Variants in PPP2R2B observed in about 807,000 individuals in gnomAD.
PPP2R2B encodes serine/threonine-protein phosphatase 2A 55 kDa regulatory subunit B beta isoform.
A neutral mutation model predicts 46.0 loss-of-function variants in PPP2R2B; 5 were observed. The ratio of observed to expected loss-of-function variants is 0.11; its 90% confidence interval spans 0.06 to 0.23. The LOEUF is 0.23. Among genes scored for constraint, PPP2R2B ranks in the 10% least tolerant of loss-of-function variants. The pLI is 1.00. For missense variants in PPP2R2B, 367 were observed against 575.0 expected, an observed-to-expected ratio of 0.64 and a Z score of 3.70; for synonymous variants, 215 against 206.7, an observed-to-expected ratio of 1.04 and a Z score of -0.34.
chr5:146,645,780 A>C (rs1233882534), intron 6 of PPP2R2B, among the ~76,000 whole-genome samples: 3 of 151,798 alleles, frequency 2.0e-5, no homozygotes, highest in Non-Finnish European at 2.9e-5. Context: ...CCTCTATCTC[A>C]TATTCAGAGA....
intron 7 of PPP2R2B, among the ~76,000 whole-genome samples, chr5:146,627,851 T>G (rs1343530708): frequency 6.6e-6 from 1 of 152,228 alleles, no homozygotes; most frequent in African/African-American, 2.4e-5. Flanking sequence ...ATGAAATTTC[T>G]GATTTGCATT....
intron 5 of PPP2R2B, among the ~76,000 whole-genome samples, chr5:146,674,511 C>A (rs1450349243): frequency 6.6e-6 from 1 of 152,146 alleles, no homozygotes; most frequent in Admixed American, 6.5e-5. Context: ...CTCCTACATC[C>A]CTTTGTGTAC....
At chr5:146,998,945 C>T (rs1481790670) in intron 1 of PPP2R2B, among the ~76,000 whole-genome samples, 2 of 132,680 alleles carry the variant, frequency 1.5e-5, no homozygotes, top group African/African-American at 2.8e-5. Flanking sequence ...ACCCGGGAGG[C>T]GGAGCTTGCA....
chr5:146,768,361 C>T (rs1754622127), intron 2 of PPP2R2B, among the ~76,000 whole-genome samples: 1 of 152,138 alleles, frequency 6.6e-6, no homozygotes, highest in Admixed American at 6.6e-5. Flanking sequence ...CCATGCAAGT[C>T]CTAAGAACTG....
intron 2 of PPP2R2B, 61 bp downstream of exon 2, chr5:146,877,941 G>T (rs367801338): frequency 1.7e-5 from 26 of 1,561,920 alleles, no homozygotes; most frequent in Non-Finnish European, 2.3e-5. Flanking sequence ...TGCCCAGGAA[G>T]CACAGTGATC....
intron 2 of PPP2R2B, among the ~76,000 whole-genome samples, chr5:146,779,658 ATAGC>A (rs1755391982): frequency 6.6e-6 from 1 of 152,168 alleles, no homozygotes; most frequent in Non-Finnish European, 1.5e-5. Flanking sequence ...CAATGACCTT[ATAGC>A]TCATAAACAT....
At chr5:146,805,366 A>C (rs1230922820) in intron 2 of PPP2R2B, among the ~76,000 whole-genome samples, 1 of 152,192 alleles carries the variant, frequency 6.6e-6, no homozygotes, top group Non-Finnish European at 1.5e-5. Flanking sequence ...AAAGTCAATA[A>C]AACAGCTGGG....
At chr5:146,724,828 G>T (rs1311013196) in intron 2 of PPP2R2B, among the ~76,000 whole-genome samples, 1 of 152,066 alleles carries the variant, frequency 6.6e-6, no homozygotes, top group Non-Finnish European at 1.5e-5. Flanking sequence ...CTTAGTTCTA[G>T]CTTACATAAT....
chr5:146,811,065 G>A (rs1405188424), intron 2 of PPP2R2B, among the ~76,000 whole-genome samples: 4 of 152,102 alleles, frequency 2.6e-5, no homozygotes, highest in African/African-American at 9.7e-5. Context: ...GTGCAATGGT[G>A]CGATCTCAGC....
At chr5:146,706,966 C>A in intron 2 of PPP2R2B, 1 of 1,029,930 alleles carries the variant, frequency 9.7e-7, no homozygotes, top group South Asian at 1.3e-5. Flanking sequence ...TATCGTCAGC[C>A]CTTCCAGGCA....
chr5:146,760,174 T>C (rs956285333), intron 2 of PPP2R2B, among the ~76,000 whole-genome samples: 6 of 152,356 alleles, frequency 3.9e-5, no homozygotes, highest in Admixed American at 2.0e-4. Context: ...TAATTACTAT[T>C]TATTGAGTGC....
chr5:147,016,114 T>C (rs776492230), intron 1 of PPP2R2B, among the ~76,000 whole-genome samples: 1 of 151,542 alleles, frequency 6.6e-6, no homozygotes. Context: ...GGCAGGTACA[T>C]TGCTTGGTCC....
chr5:146,974,879 C>T (rs1046423815), intron 1 of PPP2R2B, among the ~76,000 whole-genome samples: 5 of 151,860 alleles, frequency 3.3e-5, no homozygotes, highest in Admixed American at 1.3e-4. Flanking sequence ...TTAATAGACA[C>T]GGGGTTTCAC....
rs189547222 is a variant in PPP2R2B, at chr5:146,617,729, C to G, written c.791-17269G>C. The stretch of plus-strand genomic sequence containing the variant: ...TTTTTTTTTGAAGCAGAGTCTCGCT[C>G]TGTCACCGAGGCTGGAGTGCAGTGG... On this transcript the variant is annotated intron_variant, in intron 7 of 9. Coordinates refer to ENST00000394411, the MANE Select transcript of PPP2R2B (RefSeq NM_181675.4). 4.3e-4 allele frequency among the ~76,000 whole-genome samples: 65 copies of G among 150,964 alleles called. 1 individual carries two copies. In the East Asian group the frequency reaches 0.012, roughly 28 times the overall value.
rs75137671 is a variant in PPP2R2B, at chr5:146,794,012, A to G, written c.70+83990T>C. ...GCTCAGAAATTTCATTTTGACACATATCTCAGGAAATTCTGAACACTTTTT... is the reference window on the plus strand; with the variant it reads ...GCTCAGAAATTTCATTTTGACACATGTCTCAGGAAATTCTGAACACTTTTT... On this transcript the variant is annotated intron_variant, in intron 2 of 9. Transcript: ENST00000394411. 8.3e-3 allele frequency among the ~76,000 whole-genome samples: 1,262 copies of G among 152,298 alleles called. 19 individuals are homozygous for G. Among genetic ancestry groups the G allele is most frequent in the African/African-American group, 0.029 (1,195 of 41,558 alleles).
chr5:146,701,108 C>A lies in PPP2R2B; in HGVS notation c.105G>T (p.Thr35=). 2 of 1,614,002 alleles carry A rather than the reference C, an allele frequency of 1.2e-6. No individual in the cohort carries two copies. The highest frequency in any genetic ancestry group is 1.7e-6 in the Non-Finnish European group (2 of 1,179,926). The change falls in exon 3 of 10, where the codon ACG becomes ACT. Residue 35 remains threonine, a synonymous_variant. Transcript: ENST00000394411. ...DIISTVEFNH[T]GELLATGDKG... ...TGTCCCCTGTCGCTAGTAATTCTCC[C>A]GTGTGGTTGAATTCTACCGTAGAGA...
At chr5:146,894,174 A>C (rs559645812) in intron 1 of PPP2R2B, among the ~76,000 whole-genome samples, 2 of 152,296 alleles carry the variant, frequency 1.3e-5, no homozygotes, top group South Asian at 4.1e-4. Context: ...TTCCACCTCC[A>C]TGTTACCACA....
chr5:146,971,891 C>A (rs11742650), intron 1 of PPP2R2B, among the ~76,000 whole-genome samples: 2,407 of 152,218 alleles, frequency 0.016, 28 homozygotes, highest in Non-Finnish European at 0.024. Context: ...TACTCAGTTT[C>A]CCCTCTTGGC....
intron 1 of PPP2R2B, among the ~76,000 whole-genome samples, chr5:147,001,647 A>G (rs376022103): frequency 6.6e-6 from 1 of 152,290 alleles, no homozygotes; most frequent in East Asian, 1.9e-4. Flanking sequence ...CCATGAAGGG[A>G]CCATCGCCTA....
Sources: allele counts gnomAD v4.1 joint callset (sites outside exome capture counted in the v4.1 genomes callset), GRCh38; gene constraint gnomAD v4.1.1; transcripts MANE v1.5; gene names NCBI Gene and HGNC (gene_info 2026-07-23, HGNC 2026-07-21).